RERE: variants seen among roughly 807,000 people sequenced by gnomAD.
RERE encodes the protein arginine-glutamic acid dipeptide repeats protein.
A neutral mutation model predicts 146.1 loss-of-function variants in RERE; 40 were observed. The ratio of observed to expected loss-of-function variants is 0.27; its 90% CI spans 0.21 to 0.36. The LOEUF (loss-of-function observed/expected upper bound fraction) is 0.36, where lower values mean the gene tolerates loss of function less well. RERE is among the 10% of genes least tolerant of loss of function. The pLI, the probability that RERE is intolerant of heterozygous loss-of-function variation, is 1.00. For synonymous variants in RERE, 1,003 were observed against 866.0 expected (o/e 1.16, Z -2.78); for missense variants, 1,933 against 2,138.7 (o/e 0.90, Z 1.90).
intron 1 of RERE, among the ~76,000 whole-genome samples, chr1:8,794,945 C>T (rs545384618): frequency 6.6e-6 from 1 of 151,912 alleles, no homozygotes; most frequent in East Asian, 1.9e-4. Context: ...CCCAAGTAGC[C>T]AGAACCATAA....
At chr1:8,729,276 T>G (rs1433286527) in intron 1 of RERE, among the ~76,000 whole-genome samples, 2 of 143,452 alleles carry the variant, frequency 1.4e-5, no homozygotes, top group African/African-American at 5.1e-5. Flanking sequence ...CAGGCTGGAG[T>G]GCAGTGGCAC....
At chr1:8,619,837 G>C (rs376828537) in intron 3 of RERE, among the ~76,000 whole-genome samples, 59 of 152,212 alleles carry the variant, frequency 3.9e-4, no homozygotes, top group African/African-American at 1.4e-3. Context: ...TGCCCTTCTT[G>C]TCAATCCTAT....
chr1:8,444,023 G>A (rs1644286704), intron 11 of RERE, among the ~76,000 whole-genome samples: 1 of 152,252 alleles, frequency 6.6e-6, no homozygotes, highest in Non-Finnish European at 1.5e-5. Context: ...CCCCACTGGG[G>A]CACCACCTAG....
chr1:8,481,729 C>T (rs1490322936), intron 10 of RERE, among the ~76,000 whole-genome samples: 1 of 152,042 alleles, frequency 6.6e-6, no homozygotes, highest in African/African-American at 2.4e-5. Flanking sequence ...ATGACTGGCT[C>T]AAAATTCAGT....
At chr1:8,760,208 G>A (rs771153735) in intron 1 of RERE, among the ~76,000 whole-genome samples, 1 of 152,116 alleles carries the variant, frequency 6.6e-6, no homozygotes, top group African/African-American at 2.4e-5. Flanking sequence ...TGTATTTTCA[G>A]TAGAGACGGG....
intron 2 of RERE, among the ~76,000 whole-genome samples, chr1:8,638,021 C>A (rs78811433): frequency 0.015 from 2,315 of 152,282 alleles, 61 homozygotes; most frequent in African/African-American, 0.053. Flanking sequence ...TGGCATATAG[C>A]CATTAGCGTG....
chr1:8,767,957 C>T (rs1640879331), intron 1 of RERE, among the ~76,000 whole-genome samples: 1 of 151,912 alleles, frequency 6.6e-6, no homozygotes. Context: ...CAGAGCGAAA[C>T]TTTGTCTCCA....
rs573135224 is a variant in RERE at position 8,516,227 on chromosome 1, G to GGAAAAAAAA, written c.831-7553_831-7552insTTTTTTTTC. On this transcript the variant is annotated intron_variant, in intron 7 of 22. Coordinates refer to ENST00000400908, the MANE Select transcript of RERE (RefSeq NM_001042681.2). ...GGGACGGAGCAAGACTCTCTCAGAG[G>GGAAAAAAAA]AAAAAAAAAAAAAAAAAAAAAATCT... Among the ~76,000 whole-genome samples the GGAAAAAAAA allele has an allele frequency of 3.6e-4, 19 of 52,308 alleles. 4 individuals carry two copies. Among genetic ancestry groups the GGAAAAAAAA allele is most frequent in the African/African-American group, 1.5e-3 (18 of 11,628 alleles). The allele number at this position is 52,308 out of a possible 152,430, so 34.3% of individuals were successfully genotyped here.
intron 4 of RERE, among the ~76,000 whole-genome samples, chr1:8,559,880 G>A (rs925197419): frequency 3.9e-5 from 6 of 152,124 alleles, no homozygotes; most frequent in Non-Finnish European, 8.8e-5. Context: ...GGCAGCAAGG[G>A]ACAAATCGCC....
chr1:8,463,502 G>A (rs1644552596), intron 11 of RERE, among the ~76,000 whole-genome samples: 1 of 152,206 alleles, frequency 6.6e-6, no homozygotes, highest in African/African-American at 2.4e-5. Flanking sequence ...CAGCAGCAAT[G>A]GGGAGACAAT....
intron 4 of RERE, among the ~76,000 whole-genome samples, chr1:8,613,922 A>G (rs905282485): frequency 6.6e-6 from 1 of 152,208 alleles, no homozygotes; most frequent in African/African-American, 2.4e-5. Flanking sequence ...CCCTATGATC[A>G]CCCACATGGG....
In RERE at chr1:8,360,443, G is replaced by A. The variant is rs202121539; in HGVS notation, c.3064C>T (p.Pro1022Ser). 6 of 961,370 alleles carry A rather than the reference G, an allele frequency of 6.2e-6. No homozygotes were observed. Among genetic ancestry groups the A allele is most frequent in the Admixed American group, 7.0e-5 (2 of 28,630 alleles). The allele number at this position is 961,370 out of a possible 1,614,324, so 59.6% of individuals were successfully genotyped here. A position where few individuals can be genotyped will look rare whatever the true frequency, so the allele number is the denominator to read the frequency against. The stretch of plus-strand genomic sequence containing the variant: ...GGGGCCACCTGGTGGAGGCCTGTAG[G>A]GGGGTGGGAGGCAGGGGGCGGGGGC... The part of the protein sequence containing the change: ...NLPPPPASHP[P>S]TGLHQVAPQP... Residue 1022 changes from proline to serine, a missense_variant, in exon 18 of 23, where the codon CCT (proline) becomes TCT (serine). Pro to Ser is a moderately conservative substitution (Grantham distance 74). Transcript: ENST00000400908.
At chr1:8,787,728 G>A (rs191897787) in intron 1 of RERE, among the ~76,000 whole-genome samples, 193 of 151,664 alleles carry the variant, frequency 1.3e-3, no homozygotes, top group African/African-American at 4.6e-3. Context: ...CTACTTGGGA[G>A]GCTGAGGCAG....
At chr1:8,370,506 C>T (rs1166167238) in intron 12 of RERE, among the ~76,000 whole-genome samples, 2 of 152,070 alleles carry the variant, frequency 1.3e-5, no homozygotes, top group Admixed American at 6.5e-5. Context: ...TGGCAGGTTA[C>T]GTCAATAAAG....
At chr1:8,394,377 G>T (rs1234242118) in intron 12 of RERE, among the ~76,000 whole-genome samples, 1 of 152,178 alleles carries the variant, frequency 6.6e-6, no homozygotes, top group Non-Finnish European at 1.5e-5. Flanking sequence ...AATATTTGAA[G>T]TTCGACAACT....
intron 2 of RERE, among the ~76,000 whole-genome samples, chr1:8,628,781 G>A (rs890795485): frequency 2.0e-5 from 3 of 152,284 alleles, no homozygotes; most frequent in East Asian, 1.9e-4. Flanking sequence ...TGGAATATAT[G>A]CCCAGTAATC....
chr1:8,488,524 G>A (rs1233248209), intron 10 of RERE, among the ~76,000 whole-genome samples: 1 of 152,162 alleles, frequency 6.6e-6, no homozygotes, highest in Non-Finnish European at 1.5e-5. Flanking sequence ...GGGATTATAG[G>A]TGTGAGCCAC....
intron 4 of RERE, among the ~76,000 whole-genome samples, chr1:8,588,004 C>T (rs746408241): frequency 3.4e-4 from 51 of 152,158 alleles, no homozygotes; most frequent in Non-Finnish European, 6.2e-4. Context: ...GTATCTTACT[C>T]ATATTCTTAC....
chr1:8,520,719 C>T (rs1301789549), intron 7 of RERE, among the ~76,000 whole-genome samples: 1 of 135,764 alleles, frequency 7.4e-6, no homozygotes, highest in Non-Finnish European at 1.5e-5. Context: ...ACAAAGCTGC[C>T]TGCACACACA....
Sources: gnomAD v4.1 joint callset for allele counts (sites outside exome capture counted in the v4.1 genomes callset) on GRCh38, gnomAD v4.1.1 for gene constraint, MANE v1.5 for transcripts, NCBI Gene and HGNC (gene_info 2026-07-23, HGNC 2026-07-21) for gene names.